Variants in ARL6IP1 observed in about 807,000 individuals in gnomAD.
ARL6IP1 encodes ARL6 interacting reticulophagy regulator 1.
A neutral mutation model predicts 30.1 loss-of-function variants in ARL6IP1; 16 were observed. That is an observed-to-expected ratio of 0.53 (90% CI 0.36 to 0.81). The LOEUF (loss-of-function observed/expected upper bound fraction) is 0.81. ARL6IP1 is among the 30% of genes least tolerant of loss of function. The pLI is 0.01. For missense variants in ARL6IP1, 173 were observed against 242.7 expected (o/e 0.71, Z 1.91); for synonymous variants, 72 against 84.8 (o/e 0.85, Z 0.83).
At chr16:18,793,845 G>T (rs765639517) in intron 5 of ARL6IP1, among the ~76,000 whole-genome samples, 2 of 152,232 alleles carry the variant, frequency 1.3e-5, no homozygotes. Flanking sequence ...AAGTAGAGTA[G>T]CTGGGATTAC....
At chr16:18,797,315 G>A (rs1176902437) in intron 3 of ARL6IP1, among the ~76,000 whole-genome samples, 1 of 151,274 alleles carries the variant, frequency 6.6e-6, no homozygotes, top group African/African-American at 2.4e-5. Context: ...AACCTGGGAG[G>A]TGGAGCATGC....
chr16:18,797,752 T>A, intron 3 of ARL6IP1, 173 bp downstream of exon 3: 1 of 768,242 alleles, frequency 1.3e-6, no homozygotes, highest in Non-Finnish European at 2.0e-6. Flanking sequence ...TACAGAAAAT[T>A]CATAGTTTAT....
chr16:18,798,383 T>C, intron 2 of ARL6IP1: 1 of 323,382 alleles, frequency 3.1e-6, no homozygotes, highest in Non-Finnish European at 5.6e-6. Flanking sequence ...GGCACATGTA[T>C]ATATACCTAT....
In ARL6IP1 at chr16:18,793,063, C is replaced by T. The variant is rs1311534160; in HGVS notation, c.*189G>A. 1 of 480,678 alleles carries T rather than the reference C, an allele frequency of 2.1e-6. No individual in the cohort carries two copies. Among genetic ancestry groups the T allele is most frequent in the African/African-American group, 2.0e-5 (1 of 49,778 alleles). 29.8% of individuals were successfully genotyped at this position (480,678 alleles called of 1,614,324 possible). Reference sequence around the variant, plus strand: ...TGAAGCCAACTGCTAAGAACGCGCTCAACTATACGCGACATGAAGACACTA... The same window carrying T: ...TGAAGCCAACTGCTAAGAACGCGCTTAACTATACGCGACATGAAGACACTA... On this transcript the variant is annotated 3_prime_UTR_variant, in exon 6 of 6. Coordinates refer to ENST00000304414, the MANE Select transcript of ARL6IP1 (RefSeq NM_015161.3).
chr16:18,794,819 A>T (rs981845933), intron 4 of ARL6IP1, 136 bp from the exon 5 acceptor site: 1 of 567,312 alleles, frequency 1.8e-6, no homozygotes, highest in Admixed American at 3.5e-5. Context: ...ACTTTTCTTT[A>T]AAAATTCTTA....
chr16:18,794,484 C>G, intron 5 of ARL6IP1, 115 bp downstream of exon 5: 4 of 660,956 alleles, frequency 6.1e-6, no homozygotes, highest in South Asian at 5.8e-5. Flanking sequence ...TTTCCATATT[C>G]CCACAGTTCC....
chr16:18,794,797 G>T, intron 4 of ARL6IP1, 114 bp from the exon 5 acceptor site: 2 of 659,002 alleles, frequency 3.0e-6, no homozygotes, highest in African/African-American at 1.9e-5. Context: ...AAATAATTTA[G>T]CTTTTATTAT....
chr16:18,795,945 T>G (rs781380687), intron 3 of ARL6IP1, among the ~76,000 whole-genome samples: 18 of 152,182 alleles, frequency 1.2e-4, no homozygotes, highest in Non-Finnish European at 2.5e-4. Flanking sequence ...ATTCTTTAGA[T>G]CCTAGTAAAT....
Position 18,794,694 on chromosome 16 carries a change from A to C in ARL6IP1, c.409-11T>G. 1 of 1,605,162 alleles carries C rather than the reference A, an allele frequency of 6.2e-7. No homozygotes were observed. The highest frequency in any genetic ancestry group is 8.5e-7 in the Non-Finnish European group (1 of 1,174,392). On this transcript the variant is annotated splice_polypyrimidine_tract_variant and intron_variant, in intron 4 of 5. Coordinates refer to ENST00000304414, the MANE Select transcript of ARL6IP1 (RefSeq NM_015161.3). ...CATGGTCATGAAGTACTAGCAATGA[A>C]AACAAGAATTTAATATCAAAACTTC...
intron 3 of ARL6IP1, 43 bp downstream of exon 3, chr16:18,797,882 T>C: frequency 6.3e-7 from 1 of 1,595,676 alleles, no homozygotes; most frequent in South Asian, 1.1e-5. Flanking sequence ...CCAAGTTCAG[T>C]AACTACACAA....
At position 18,801,086 on chromosome 16, in the gene ARL6IP1, T is replaced by A. The variant is rs1019261596; in HGVS notation, c.36+345A>T. ...AAAGACGGGGAAAGCCGAATACGGCTGGGGCCTGAGCCGCGAAAGCGCTGG... is the reference window on the plus strand; with the variant it reads ...AAAGACGGGGAAAGCCGAATACGGCAGGGGCCTGAGCCGCGAAAGCGCTGG... On this transcript the variant is annotated intron_variant, in intron 1 of 5. Coordinates refer to ENST00000304414, the MANE Select transcript of ARL6IP1 (RefSeq NM_015161.3). 4 of 891,516 alleles carry A rather than the reference T, an allele frequency of 4.5e-6. No homozygotes were observed. In the African/African-American group the frequency reaches 7.0e-5, roughly 16 times the overall value. The allele number at this position is 891,516 out of a possible 1,614,324, so 55.2% of individuals were successfully genotyped here.
In ARL6IP1 at chr16:18,793,060, G is replaced by A. The variant is rs756731193; in HGVS notation, c.*192C>T. ...CCATGAAGCCAACTGCTAAGAACGC[G>A]CTCAACTATACGCGACATGAAGACA... On this transcript the variant is annotated 3_prime_UTR_variant, in exon 6 of 6. Coordinates refer to ENST00000304414, the MANE Select transcript of ARL6IP1 (RefSeq NM_015161.3). 7 of 455,442 alleles carry A rather than the reference G, an allele frequency of 1.5e-5. No individual in the cohort carries two copies. The highest frequency in any genetic ancestry group is 1.4e-4 in the East Asian group (4 of 27,610). The allele number at this position is 455,442 out of a possible 1,614,324, so 28.2% of individuals were successfully genotyped here.
Position 18,792,587 on chromosome 16 carries a change from G to A in ARL6IP1, c.*665C>T, listed in dbSNP as rs2030097976. ...CTAACTTCGAGTCTAAGTGCAAGGG[G>A]ACGAAAGCTTAAGCCTGTCAGACAT... On this transcript the variant is annotated 3_prime_UTR_variant, in exon 6 of 6. Coordinates refer to ENST00000304414, the MANE Select transcript of ARL6IP1 (RefSeq NM_015161.3). The A allele has an allele frequency of 6.6e-6, 1 of 152,584 alleles. No homozygotes were observed. The highest frequency in any genetic ancestry group is 2.4e-5 in the African/African-American group (1 of 41,452). The allele number at this position is 152,584 out of a possible 1,614,324, so 9.5% of individuals were successfully genotyped here.
In ARL6IP1 at chr16:18,793,000, G is replaced by A. The variant is rs1014215880; in HGVS notation, c.*252C>T. 6.5e-6 allele frequency: 2 copies of A among 306,468 alleles called. No individual in the cohort carries two copies. The highest frequency in any genetic ancestry group is 6.0e-6 in the Non-Finnish European group (1 of 166,508). 19.0% of individuals were successfully genotyped at this position (306,468 alleles called of 1,614,324 possible). A position where few individuals can be genotyped will look rare whatever the true frequency, so the allele number is the denominator to read the frequency against. On this transcript the variant is annotated 3_prime_UTR_variant, in exon 6 of 6. Transcript: ENST00000304414. ...GTCTAAAAGCAAGAATTCAATTAAC[G>A]CTGGGTAAGAAAAGTCAAAACACTA... is the stretch of plus-strand genomic sequence containing the variant.
chr16:18,797,814 A>G, intron 3 of ARL6IP1, 111 bp downstream of exon 3: 1 of 1,299,168 alleles, frequency 7.7e-7, no homozygotes. Context: ...TCTAATGCTT[A>G]GGTGTCTGAT....
rs34143424 is a variant in ARL6IP1, at chr16:18,793,431, CT to C, written c.494-62del. On this transcript the variant is annotated intron_variant, in intron 5 of 5. Coordinates refer to ENST00000304414, the MANE Select transcript of ARL6IP1 (RefSeq NM_015161.3). Reference sequence around the variant, plus strand: ...GCAATTAACCTGCTAAAGGTTATTACTTTTTTTTTTTTTTTTTGAGACAAAG... The same window carrying C: ...GCAATTAACCTGCTAAAGGTTATTACTTTTTTTTTTTTTTTTGAGACAAAG... 209,621 of 602,714 alleles carry C rather than the reference CT, an allele frequency of 0.35. 8,171 individuals are homozygous for C. Among genetic ancestry groups the C allele is most frequent in the Non-Finnish European group, 0.36 (140,535 of 387,080 alleles). 37.3% of individuals were successfully genotyped at this position (602,714 alleles called of 1,614,324 possible). A position where few individuals can be genotyped will look rare whatever the true frequency, so the allele number is the denominator to read the frequency against.
At chr16:18,794,984 A>G (rs2141869335) in intron 4 of ARL6IP1, among the ~76,000 whole-genome samples, 1 of 152,098 alleles carries the variant, frequency 6.6e-6, no homozygotes, top group South Asian at 2.1e-4. Flanking sequence ...CGTGAAGCTT[A>G]CAGATAAGAG....
At chr16:18,794,776 C>G in intron 4 of ARL6IP1, 93 bp from the exon 5 acceptor site, 1 of 894,770 alleles carries the variant, frequency 1.1e-6, no homozygotes, top group Non-Finnish European at 1.7e-6. Flanking sequence ...GAATGTGTTT[C>G]AAAGTTCGGG....
Position 18,797,995 on chromosome 16 carries a change from C to A in ARL6IP1, c.220G>T (p.Val74Phe). ...TAGTCAGCCAAGCACAAAAACATAA[C>A]AAAACAGGAAACGCCGGACAGAACA... ...PSVLSGVSCF[V>F]MFLCLADYLV... is the part of the protein sequence containing the mutation. The change falls in exon 3 of 6, where the codon GTT becomes TTT. Residue 74 changes from valine to phenylalanine, a missense_variant. Val to Phe is a conservative substitution (Grantham distance 50). Transcript: ENST00000304414. 1 of 1,613,746 alleles carries A rather than the reference C, an allele frequency of 6.2e-7. No homozygotes were observed. The highest frequency in any genetic ancestry group is 1.7e-4 in the Middle Eastern group (1 of 6,060).
Sources: gnomAD v4.1 joint callset for allele counts (sites outside exome capture counted in the v4.1 genomes callset) on GRCh38, gnomAD v4.1.1 for gene constraint, MANE v1.5 for transcripts, NCBI Gene and HGNC (gene_info 2026-07-23, HGNC 2026-07-21) for gene names.